The following RELL1 variants were observed in gnomAD, a reference collection of about 807,000 sequenced individuals.
The protein encoded by RELL1 is RELT like 1.
RELL1 carries 10 observed loss-of-function variants against 23.0 expected under a neutral mutation model. The ratio of observed to expected loss-of-function variants is 0.43; its 90% CI spans 0.27 to 0.74. RELL1 has a LOEUF of 0.74. RELL1 is among the 30% of genes least tolerant of loss of function. The probability of loss-of-function intolerance (pLI) is 0.19; values close to 1 mark genes in which losing one functional copy is unlikely to be tolerated. For synonymous variants in RELL1, 146 were observed against 146.8 expected (o/e 0.99, Z 0.04); for missense variants, 315 against 364.4 (o/e 0.86, Z 1.10).
chr4:37,652,671 G>C (rs1250568667), intron 1 of RELL1, among the ~76,000 whole-genome samples: 1 of 152,162 alleles, frequency 6.6e-6, no homozygotes, highest in Non-Finnish European at 1.5e-5. Flanking sequence ...ACCTCCCTCT[G>C]AATCAGGTGA....
rs187004875 is a variant in RELL1, at chr4:37,661,122, G to A, written c.89-11622C>T. 1.5e-3 allele frequency among the ~76,000 whole-genome samples: 229 copies of A among 152,102 alleles called. 1 individual carries two copies. The highest frequency in any genetic ancestry group is 0.014 in the Middle Eastern group (4 of 292). On this transcript the variant is annotated intron_variant, in intron 1 of 6. Coordinates refer to ENST00000454158, the MANE Select transcript of RELL1 (RefSeq NM_001085400.2). ...AAAATCTTGTTTCAGGACAGAATCT[G>A]TAACTAGTCCACCTAGTTATACCTA...
intron 6 of RELL1, among the ~76,000 whole-genome samples, chr4:37,596,717 TATATATATATATATA>T: frequency 7.3e-5 from 1 of 13,656 alleles, no homozygotes; most frequent in Non-Finnish European, 2.0e-4. Flanking sequence ...GGCATATATA[TATATATATATATATA>T]TATATTTTTT....
chr4:37,671,345 A>G (rs1721827663), intron 1 of RELL1, among the ~76,000 whole-genome samples: 1 of 152,230 alleles, frequency 6.6e-6, no homozygotes, highest in Non-Finnish European at 1.5e-5. Context: ...GAGGTTAGGC[A>G]TTCTAAGTCA....
At chr4:37,593,929 A>G (rs1718736821) in intron 6 of RELL1, among the ~76,000 whole-genome samples, 1 of 152,228 alleles carries the variant, frequency 6.6e-6, no homozygotes, top group African/African-American at 2.4e-5. Flanking sequence ...AAGAAGGGGT[A>G]GGGTAAGGTA....
At chr4:37,627,820 A>C (rs555211042) in intron 6 of RELL1, among the ~76,000 whole-genome samples, 7 of 152,354 alleles carry the variant, frequency 4.6e-5, no homozygotes, top group African/African-American at 1.7e-4. Context: ...AAATTTGAGC[A>C]AAAACCTCTT....
intron 3 of RELL1, among the ~76,000 whole-genome samples, chr4:37,644,438 T>TTCTATTTATTTA (rs139479970): frequency 2.2e-5 from 3 of 137,810 alleles, no homozygotes; most frequent in Non-Finnish European, 4.6e-5. Context: ...TTATTTTTAT[T>TTCTATTTATTTA]TTTATTTATT....
exon 7 of RELL1, chr4:37,590,997 T>C (rs764383387): frequency 6.2e-7 from 1 of 1,604,310 alleles, no homozygotes; most frequent in African/African-American, 1.3e-5. Flanking sequence ...ATGAGACTGA[T>C]TAGGGGAGGG....
chr4:37,669,402 G>A (rs563226161), intron 1 of RELL1, among the ~76,000 whole-genome samples: 1 of 149,766 alleles, frequency 6.7e-6, no homozygotes, highest in East Asian at 2.0e-4. Flanking sequence ...CCGTCCGGGA[G>A]GGAGGTGGGG....
chr4:37,673,077 G>T (rs1721890995), intron 1 of RELL1, among the ~76,000 whole-genome samples: 1 of 151,476 alleles, frequency 6.6e-6, no homozygotes, highest in Non-Finnish European at 1.5e-5. Flanking sequence ...ATAATTTGAA[G>T]GTATTTACTC....
At chr4:37,634,792 C>G in intron 5 of RELL1, 95 bp downstream of exon 5, 1 of 1,066,418 alleles carries the variant, frequency 9.4e-7, no homozygotes, top group Non-Finnish European at 1.5e-6. Flanking sequence ...GAGACAGGCA[C>G]AGAGAACATA....
At chr4:37,591,134 T>A in exon 7 of RELL1, 2 of 696,498 alleles carry the variant, frequency 2.9e-6, no homozygotes, top group South Asian at 3.8e-5. Context: ...ATCCAGCATC[T>A]GTTCTGATTG....
chr4:37,624,572 C>T (rs1172247395), intron 6 of RELL1, among the ~76,000 whole-genome samples: 4 of 151,696 alleles, frequency 2.6e-5, no homozygotes, highest in South Asian at 2.1e-4. Context: ...TACAGGCACC[C>T]GCCACCACGC....
chr4:37,650,503 G>A (rs895227430), intron 1 of RELL1, among the ~76,000 whole-genome samples: 2 of 152,030 alleles, frequency 1.3e-5, no homozygotes, highest in South Asian at 2.1e-4. Flanking sequence ...AAGTATACAC[G>A]GGCAGATCGT....
At chr4:37,593,352 T>C (rs1718707670) in intron 6 of RELL1, among the ~76,000 whole-genome samples, 1 of 152,184 alleles carries the variant, frequency 6.6e-6, no homozygotes, top group Non-Finnish European at 1.5e-5. Context: ...CACATATCAA[T>C]GACCCACGTA....
chr4:37,639,191 T>C (rs955585544), intron 3 of RELL1, among the ~76,000 whole-genome samples: 1 of 152,062 alleles, frequency 6.6e-6, no homozygotes, highest in Admixed American at 6.5e-5. Flanking sequence ...GAGACCATCC[T>C]GGCTAACACG....
chr4:37,683,827 A>T (rs925223904), intron 1 of RELL1, among the ~76,000 whole-genome samples: 1 of 152,066 alleles, frequency 6.6e-6, no homozygotes, highest in Non-Finnish European at 1.5e-5. Flanking sequence ...CACGCCTGTA[A>T]TCCCAGCACT....
At chr4:37,664,937 G>A (rs1033302024) in intron 1 of RELL1, among the ~76,000 whole-genome samples, 6 of 152,196 alleles carry the variant, frequency 3.9e-5, no homozygotes, top group Non-Finnish European at 5.9e-5. Context: ...CACAGAACTC[G>A]CCGGAAAACC....
intron 1 of RELL1, among the ~76,000 whole-genome samples, chr4:37,669,023 G>A (rs1278064348): frequency 3.8e-5 from 5 of 133,052 alleles, no homozygotes; most frequent in East Asian, 2.1e-4. Context: ...TCAGCCCCCC[G>A]CCTGGCCAGC....
chr4:37,605,810 A>AGAAAGAAG, downstream of RELL1, among the ~76,000 whole-genome samples: 1 of 116,908 alleles, frequency 8.6e-6, no homozygotes, highest in Non-Finnish European at 2.1e-5. Flanking sequence ...AAAGAAAGAA[A>AGAAAGAAG]GAAAGAAAGA....
Sources: gnomAD v4.1 joint callset for allele counts (sites outside exome capture counted in the v4.1 genomes callset) on GRCh38, gnomAD v4.1.1 for gene constraint, MANE v1.5 for transcripts, NCBI Gene and HGNC (gene_info 2026-07-23, HGNC 2026-07-21) for gene names.